Variants in NTM observed in about 807,000 individuals in gnomAD.
NTM encodes the protein neurotrimin.
A neutral mutation model predicts 42.1 loss-of-function variants in NTM; 13 were observed. The observed-to-expected ratio is 0.31, with a 90% CI of 0.20 to 0.49. The LOEUF (loss-of-function observed/expected upper bound fraction) is 0.49, where lower values mean the gene tolerates loss of function less well. NTM is among the 20% of genes least tolerant of loss of function. The probability of loss-of-function intolerance (pLI) is 0.99; values close to 1 mark genes in which losing one functional copy is unlikely to be tolerated. For synonymous variants in NTM, 187 were observed against 179.2 expected, an observed-to-expected ratio of 1.04 and a Z score of -0.35; for missense variants, 373 against 452.8, an observed-to-expected ratio of 0.82 and a Z score of 1.60.
At chr11:132,051,088 A>G (rs564011151) in intron 2 of NTM, among the ~76,000 whole-genome samples, 5 of 152,334 alleles carry the variant, frequency 3.3e-5, no homozygotes, top group African/African-American at 9.6e-5. Context: ...AGTCAGATAC[A>G]TGTCAGTTTG....
intron 1 of NTM, among the ~76,000 whole-genome samples, chr11:131,583,023 G>A (rs893159999): frequency 2.6e-5 from 4 of 152,204 alleles, no homozygotes; most frequent in Non-Finnish European, 4.4e-5. Context: ...TCTTCTAGAT[G>A]TTCCTCTTTT....
chr11:131,680,811 GTATGTGAGCTTGTT>G (rs1565415493), intron 1 of NTM, among the ~76,000 whole-genome samples: 13 of 6,312 alleles, frequency 2.1e-3, no homozygotes, highest in African/African-American at 6.2e-3. Context: ...GTGTGTGTGT[GTATGTGAGCTTGTT>G]TCTGTGTCTG....
chr11:131,379,969 A>G (rs1942443431), intron 1 of NTM, among the ~76,000 whole-genome samples: 1 of 152,094 alleles, frequency 6.6e-6, no homozygotes, highest in Non-Finnish European at 1.5e-5. Flanking sequence ...AGTAGAATGA[A>G]GTCTCAGCTC....
intron 2 of NTM, among the ~76,000 whole-genome samples, chr11:131,943,872 C>G (rs1359906998): frequency 2.0e-5 from 3 of 151,990 alleles, no homozygotes; most frequent in East Asian, 3.9e-4. Flanking sequence ...CCGAGTTGCT[C>G]TCTTAGAGCC....
chr11:131,571,040 G>A (rs897006531), intron 1 of NTM, among the ~76,000 whole-genome samples: 2 of 152,176 alleles, frequency 1.3e-5, no homozygotes, highest in African/African-American at 4.8e-5. Flanking sequence ...AGCCAGTTGT[G>A]CTGAATCCCA....
chr11:131,723,569 T>G (rs1303928928), intron 1 of NTM, among the ~76,000 whole-genome samples: 2 of 152,226 alleles, frequency 1.3e-5, no homozygotes, highest in South Asian at 2.1e-4. Flanking sequence ...CCATCTTTCT[T>G]TCCTTCATTT....
intron 2 of NTM, among the ~76,000 whole-genome samples, chr11:132,085,217 G>T (rs1205990780): frequency 6.6e-6 from 1 of 152,088 alleles, no homozygotes; most frequent in Non-Finnish European, 1.5e-5. Context: ...ACATTTTACT[G>T]TTCTTATACA....
intron 1 of NTM, among the ~76,000 whole-genome samples, chr11:131,523,844 G>T (rs1591929893): frequency 6.6e-6 from 1 of 150,882 alleles, no homozygotes; most frequent in Non-Finnish European, 1.5e-5. Context: ...GAGACATTAA[G>T]GTATATCTGG....
chr11:132,307,250 T>G (rs537322308), intron 4 of NTM, among the ~76,000 whole-genome samples: 25 of 152,338 alleles, frequency 1.6e-4, no homozygotes, highest in Non-Finnish European at 2.4e-4. Flanking sequence ...GCTGCTGGTG[T>G]GGCATTTTCA....
rs1555162935 is a variant in NTM, at chr11:131,874,030, A to ATATATATAT, written c.83-37534_83-37533insTATATATAT. Among the ~76,000 whole-genome samples, 237 of 76,614 alleles carry ATATATATAT rather than the reference A, an allele frequency of 3.1e-3. 10 individuals carry two copies. Among genetic ancestry groups the ATATATATAT allele is most frequent in the Non-Finnish European group, 4.8e-3 (165 of 34,150 alleles). 50.3% of individuals were successfully genotyped at this position (76,614 alleles called of 152,430 possible). ...ATAATATATTTATATAATATAATAT[A>ATATATATAT]ATATATATATATATATATATATATA... On this transcript the variant is annotated intron_variant, in intron 1 of 8. Transcript: ENST00000683400.
intron 2 of NTM, among the ~76,000 whole-genome samples, chr11:131,984,207 G>A (rs1170819447): frequency 1.3e-5 from 2 of 152,156 alleles, no homozygotes; most frequent in African/African-American, 2.4e-5. Flanking sequence ...CTCAAAGTCC[G>A]AGTTCACCTG....
At chr11:131,982,989 C>T (rs77787342) in intron 2 of NTM, among the ~76,000 whole-genome samples, 4,421 of 152,030 alleles carry the variant, frequency 0.029, 200 homozygotes, top group African/African-American at 0.1. Flanking sequence ...GCTTGCAGGG[C>T]ATGCCCAGAT....
chr11:132,003,960 T>G lies in NTM; in HGVS notation c.167+92312T>G, dbSNP rs2070084628. ...CATCCTCATTGTTCAGGTTTCATCGTCTCCTTAATCAACCATTAGCATAAT... is the reference window on the plus strand; with the variant it reads ...CATCCTCATTGTTCAGGTTTCATCGGCTCCTTAATCAACCATTAGCATAAT... On this transcript the variant is annotated intron_variant, in intron 2 of 8. Transcript: ENST00000683400. The surrounding 1 kb of genome is among the most constrained non-coding windows in gnomAD (Gnocchi z 6.0). Among the ~76,000 whole-genome samples the G allele has an allele frequency of 6.6e-6, 1 of 152,330 alleles. No homozygotes were observed. Among genetic ancestry groups the G allele is most frequent in the South Asian group, 2.1e-4 (1 of 4,834 alleles).
chr11:132,121,713 C>T (rs1029793850), intron 2 of NTM, among the ~76,000 whole-genome samples: 1 of 152,148 alleles, frequency 6.6e-6, no homozygotes, highest in East Asian at 1.9e-4. Flanking sequence ...AATGGGCAGA[C>T]CCACCCCTCT....
intron 1 of NTM, chr11:131,455,421 C>T (rs923273034): frequency 8.5e-5 from 13 of 152,380 alleles, no homozygotes; most frequent in African/African-American, 3.1e-4. Flanking sequence ...AGCGCTAAAA[C>T]CTTCCTGAGG....
chr11:131,397,791 T>C (rs1591555576), intron 1 of NTM, among the ~76,000 whole-genome samples: 1 of 152,168 alleles, frequency 6.6e-6, no homozygotes, highest in Non-Finnish European at 1.5e-5. Flanking sequence ...TTTGTACGTG[T>C]CCCCAGTTCT....
intron 2 of NTM, among the ~76,000 whole-genome samples, chr11:131,988,496 C>A (rs1258574832): frequency 6.6e-6 from 1 of 152,088 alleles, no homozygotes; most frequent in Non-Finnish European, 1.5e-5. Context: ...ATGGAGCTAT[C>A]CTTTGTGGCC....
At chr11:131,976,005 G>A (rs1345188063) in intron 2 of NTM, among the ~76,000 whole-genome samples, 1 of 151,966 alleles carries the variant, frequency 6.6e-6, no homozygotes, top group Non-Finnish European at 1.5e-5. Context: ...GCCCTCCCTG[G>A]GGTCTTGTTA....
intron 1 of NTM, among the ~76,000 whole-genome samples, chr11:131,388,777 C>T (rs1045044789): frequency 3.3e-5 from 5 of 151,096 alleles, no homozygotes; most frequent in African/African-American, 1.2e-4. Context: ...TTCGGGAGGT[C>T]GAGGCGGGCG....
Sources: gnomAD v4.1 joint callset for allele counts (sites outside exome capture counted in the v4.1 genomes callset) on GRCh38, gnomAD v4.1.1 for gene constraint, Gnocchi (gnomAD v3.1) non-coding constraint, MANE v1.5 for transcripts, NCBI Gene and HGNC (gene_info 2026-07-23, HGNC 2026-07-21) for gene names.